Variants in RIMS1 observed in about 807,000 individuals in gnomAD.
RIMS1 encodes the protein regulating synaptic membrane exocytosis 1.
A neutral mutation model predicts 214.1 loss-of-function variants in RIMS1; 83 were observed. The ratio of observed to expected loss-of-function variants is 0.39; its 90% CI spans 0.32 to 0.47. The LOEUF (loss-of-function observed/expected upper bound fraction) is 0.47, where lower values mean the gene tolerates loss of function less well. RIMS1 is among the 20% of genes least tolerant of loss of function. RIMS1 has a pLI of 0.99. For missense variants in RIMS1, 2,050 were observed against 2,161.8 expected, an observed-to-expected ratio of 0.95 and a Z score of 1.03; for synonymous variants, 793 against 786.8, an observed-to-expected ratio of 1.01 and a Z score of -0.13.
intron 1 of RIMS1, among the ~76,000 whole-genome samples, chr6:71,895,637 G>A (rs1771451950): frequency 7.9e-6 from 1 of 126,276 alleles, no homozygotes; most frequent in South Asian, 2.5e-4. Flanking sequence ...TTGTGCCTCT[G>A]CACTCCAGCC....
chr6:72,252,855 C>T lies in RIMS1; in HGVS notation c.2770+23C>T. On this transcript the variant is annotated intron_variant, in intron 16 of 33. Transcript: ENST00000521978. Reference sequence around the variant, plus strand: ...CAGGTGCGTGGGTGAGGAGCATGACCCTGCTTCACTGTGCTGCTTTGCTTG... The same window carrying T: ...CAGGTGCGTGGGTGAGGAGCATGACTCTGCTTCACTGTGCTGCTTTGCTTG... 3 of 1,531,728 alleles carry T rather than the reference C, an allele frequency of 2.0e-6. No homozygotes were observed. The South Asian group carries it at 3.6e-5, about 18-fold the overall frequency. The allele number at this position is 1,531,728 out of a possible 1,614,324, so 94.9% of individuals were successfully genotyped here.
intron 31 of RIMS1, among the ~76,000 whole-genome samples, chr6:72,397,844 G>A (rs2098797408): frequency 6.6e-6 from 1 of 152,088 alleles, no homozygotes; most frequent in African/African-American, 2.4e-5. Context: ...ATTGATAGAA[G>A]TATAAGAATG....
intron 1 of RIMS1, among the ~76,000 whole-genome samples, chr6:71,960,501 T>C (rs1482382637): frequency 6.6e-6 from 1 of 152,172 alleles, no homozygotes; most frequent in Non-Finnish European, 1.5e-5. Context: ...CTGGGACTTT[T>C]GTTTATACAA....
intron 4 of RIMS1, among the ~76,000 whole-genome samples, chr6:72,145,666 C>G (rs145005952): frequency 1.3e-5 from 2 of 152,070 alleles, no homozygotes; most frequent in African/African-American, 4.8e-5. Flanking sequence ...TTAGGAACCC[C>G]GTATAAAGAC....
chr6:72,212,160 AGTTT>A (rs2053931043), intron 6 of RIMS1, among the ~76,000 whole-genome samples: 3 of 152,210 alleles, frequency 2.0e-5, no homozygotes, highest in South Asian at 4.1e-4. Flanking sequence ...TGAAATTTTT[AGTTT>A]GTTTGTTTTA....
At chr6:72,081,621 T>C (rs1833422453) in intron 2 of RIMS1, among the ~76,000 whole-genome samples, 1 of 151,844 alleles carries the variant, frequency 6.6e-6, no homozygotes, top group South Asian at 2.1e-4. Context: ...TACCAAGCAG[T>C]GGCTGGTGAG....
chr6:72,010,424 C>A (rs969924977), intron 2 of RIMS1, among the ~76,000 whole-genome samples: 4 of 152,134 alleles, frequency 2.6e-5, no homozygotes, highest in African/African-American at 9.7e-5. Context: ...TGGCACAAGA[C>A]AGGGATGCCC....
chr6:72,066,873 A>C (rs1416063659), intron 2 of RIMS1, among the ~76,000 whole-genome samples: 3 of 152,110 alleles, frequency 2.0e-5, no homozygotes, highest in South Asian at 4.2e-4. Flanking sequence ...TGGAGTCAAA[A>C]ACTTAGGAGT....
intron 2 of RIMS1, among the ~76,000 whole-genome samples, chr6:72,074,553 T>G (rs1390239334): frequency 6.6e-6 from 1 of 152,080 alleles, no homozygotes; most frequent in African/African-American, 2.4e-5. Context: ...TAGTCCCACC[T>G]ACTCAGGAGG....
At chr6:72,114,051 G>A (rs9342924) in intron 4 of RIMS1, among the ~76,000 whole-genome samples, 78,709 of 151,724 alleles carry the variant, frequency 0.52, 21,534 homozygotes, top group Non-Finnish European at 0.61. Context: ...GCATCTCAAA[G>A]TTATTTTAAA....
intron 4 of RIMS1, among the ~76,000 whole-genome samples, chr6:72,140,279 T>C (rs1054164015): frequency 1.3e-5 from 2 of 152,156 alleles, no homozygotes; most frequent in African/African-American, 4.8e-5. Context: ...GGAACACTAT[T>C]ATTTTAGTTT....
intron 4 of RIMS1, among the ~76,000 whole-genome samples, chr6:72,168,614 T>C (rs1037355674): frequency 6.6e-6 from 1 of 152,026 alleles, no homozygotes; most frequent in Admixed American, 6.6e-5. Context: ...TAGACCAAGG[T>C]CATATACCAG....
intron 16 of RIMS1, among the ~76,000 whole-genome samples, chr6:72,255,643 T>C (rs1454717840): frequency 6.6e-6 from 1 of 152,136 alleles, no homozygotes; most frequent in African/African-American, 2.4e-5. Context: ...CAGAATGCCC[T>C]CATCTGAGGT....
chr6:72,085,586 A>C (rs1401600080), intron 2 of RIMS1, among the ~76,000 whole-genome samples: 1 of 152,062 alleles, frequency 6.6e-6, no homozygotes, highest in Non-Finnish European at 1.5e-5. Flanking sequence ...TCTGTGAAAA[A>C]ATTGCCTTCA....
chr6:72,206,369 AT>A (rs796752623), intron 6 of RIMS1, among the ~76,000 whole-genome samples: 84 of 152,298 alleles, frequency 5.5e-4, no homozygotes, highest in African/African-American at 1.9e-3. Flanking sequence ...TTTCTCAAAA[AT>A]TTACTGTCTT....
chr6:72,055,863 A>G (rs940924140), intron 2 of RIMS1, among the ~76,000 whole-genome samples: 1 of 152,206 alleles, frequency 6.6e-6, no homozygotes, highest in African/African-American at 2.4e-5. Flanking sequence ...GTTATTTCCC[A>G]AAGAACTTAA....
chr6:72,185,701 A>T (rs1006629144), intron 6 of RIMS1, among the ~76,000 whole-genome samples: 4 of 152,250 alleles, frequency 2.6e-5, no homozygotes, highest in Non-Finnish European at 5.9e-5. Context: ...AAATGGTGGA[A>T]AAAGGATTGG....
At chr6:71,937,952 A>C (rs796576985) in intron 1 of RIMS1, among the ~76,000 whole-genome samples, 32 of 152,236 alleles carry the variant, frequency 2.1e-4, no homozygotes, top group African/African-American at 6.7e-4. Flanking sequence ...CATCTGAATA[A>C]AATAGGGGTG....
chr6:72,319,070 A>G (rs1220678286), intron 28 of RIMS1, among the ~76,000 whole-genome samples: 2 of 152,158 alleles, frequency 1.3e-5, no homozygotes, highest in Non-Finnish European at 2.9e-5. Context: ...ATATTTAAAA[A>G]TAATTAATAA....
Sources: allele counts gnomAD v4.1 joint callset (sites outside exome capture counted in the v4.1 genomes callset), GRCh38; gene constraint gnomAD v4.1.1; transcripts MANE v1.5; gene names NCBI Gene and HGNC (gene_info 2026-07-23, HGNC 2026-07-21).